ARHGEF28: variants seen among roughly 807,000 people sequenced by gnomAD.
ARHGEF28 encodes Rho guanine nucleotide exchange factor 28.
Under a neutral mutation model 206.6 loss-of-function variants are expected in ARHGEF28, and 152 were observed. The observed-to-expected ratio is 0.74, with a 90% confidence interval of 0.64 to 0.84. ARHGEF28 has a LOEUF of 0.84. Among genes scored for constraint, ARHGEF28 ranks in the 40% least tolerant of loss-of-function variants. ARHGEF28 has a pLI of 0.00. For synonymous variants in ARHGEF28, 763 were observed against 776.4 expected (o/e 0.98, Z 0.29); for missense variants, 2,028 against 2,073.2 (o/e 0.98, Z 0.42).
At chr5:73,807,450 A>C (rs1755578853) in intron 9 of ARHGEF28, among the ~76,000 whole-genome samples, 1 of 151,726 alleles carries the variant, frequency 6.6e-6, no homozygotes, top group Non-Finnish European at 1.5e-5. Flanking sequence ...ATCTGTAGCA[A>C]TATTAACCAA....
chr5:73,820,989 T>C (rs748672074), intron 9 of ARHGEF28, among the ~76,000 whole-genome samples: 21 of 152,134 alleles, frequency 1.4e-4, no homozygotes, highest in Non-Finnish European at 2.6e-4. Flanking sequence ...GAGTAGCCCA[T>C]AGCTTATTTC....
At chr5:73,853,878 T>TA (rs968447929) in intron 14 of ARHGEF28, among the ~76,000 whole-genome samples, 13 of 152,178 alleles carry the variant, frequency 8.5e-5, no homozygotes, top group Admixed American at 2.0e-4. Context: ...ATTAAAAATA[T>TA]AAAAAATATT....
At chr5:73,850,967 A>G (rs1171581527) in intron 13 of ARHGEF28, among the ~76,000 whole-genome samples, 1 of 152,176 alleles carries the variant, frequency 6.6e-6, no homozygotes, top group Non-Finnish European at 1.5e-5. Context: ...CAGTGGATAG[A>G]CTTATATGGC....
intron 17 of ARHGEF28, 68 bp downstream of exon 17, chr5:73,864,940 A>G: frequency 7.1e-7 from 1 of 1,417,620 alleles, no homozygotes; most frequent in Non-Finnish European, 9.8e-7. Context: ...TTGAGCTTTT[A>G]CTCTTTTTTA....
At chr5:73,750,667 A>T (rs1751974715) in intron 3 of ARHGEF28, among the ~76,000 whole-genome samples, 1 of 152,128 alleles carries the variant, frequency 6.6e-6, no homozygotes, top group South Asian at 2.1e-4. Context: ...TTTTATTGGT[A>T]TGTGGGTTGT....
chr5:73,930,076 A>G (rs1764021559), intron 35 of ARHGEF28, among the ~76,000 whole-genome samples: 1 of 152,228 alleles, frequency 6.6e-6, no homozygotes, highest in African/African-American at 2.4e-5. Flanking sequence ...AGAGCAGTAA[A>G]CATCTTTTTA....
intron 1 of ARHGEF28, among the ~76,000 whole-genome samples, chr5:73,660,823 C>A (rs1211701288): frequency 6.6e-6 from 1 of 152,098 alleles, no homozygotes; most frequent in Admixed American, 6.5e-5. Context: ...ATTCAGTAAA[C>A]CATGCTGTAG....
chr5:73,747,266 T>C (rs1037630716), intron 2 of ARHGEF28, among the ~76,000 whole-genome samples: 2 of 152,180 alleles, frequency 1.3e-5, no homozygotes, highest in Non-Finnish European at 2.9e-5. Context: ...CTGAAAGAGA[T>C]ACTTTGGAAT....
At chr5:73,695,426 T>C (rs1334031141) in intron 2 of ARHGEF28, among the ~76,000 whole-genome samples, 2 of 152,166 alleles carry the variant, frequency 1.3e-5, no homozygotes, top group African/African-American at 2.4e-5. Context: ...GACTCCCACA[T>C]GTGGGCCCTC....
At chr5:73,878,527 C>G (rs988801505) in intron 22 of ARHGEF28, among the ~76,000 whole-genome samples, 2 of 151,804 alleles carry the variant, frequency 1.3e-5, no homozygotes, top group Non-Finnish European at 2.9e-5. Flanking sequence ...TCTCGATGGT[C>G]TTTACATTTT....
chr5:73,631,629 C>T (rs887625596), intron 1 of ARHGEF28, among the ~76,000 whole-genome samples: 1 of 152,272 alleles, frequency 6.6e-6, no homozygotes, highest in Middle Eastern at 3.4e-3. Flanking sequence ...CTACATTGCA[C>T]AGTGCCTAGG....
At chr5:73,764,475 A>G (rs1478455840) in intron 4 of ARHGEF28, among the ~76,000 whole-genome samples, 1 of 152,244 alleles carries the variant, frequency 6.6e-6, no homozygotes, top group African/African-American at 2.4e-5. Context: ...TGCAAAATCC[A>G]GGAAGTACAT....
Position 73,814,425 on chromosome 5 carries a change from G to T in ARHGEF28, c.1025-17913G>T, listed in dbSNP as rs146324573. 2.0e-3 allele frequency among the ~76,000 whole-genome samples: 308 copies of T among 152,180 alleles called. 1 individual carries two copies. Among genetic ancestry groups the T allele is most frequent in the African/African-American group, 7.2e-3 (299 of 41,508 alleles). On this transcript the variant is annotated intron_variant, in intron 9 of 35. Transcript: ENST00000513042. Reference sequence around the variant, plus strand: ...GGCCATGGAAACAAGGAGCAAGCTGGTGTTAGGGTGTAGAGGAAGTGCCCT... The same window carrying T: ...GGCCATGGAAACAAGGAGCAAGCTGTTGTTAGGGTGTAGAGGAAGTGCCCT...
At chr5:73,638,781 C>A (rs746121249) in intron 1 of ARHGEF28, among the ~76,000 whole-genome samples, 8 of 152,146 alleles carry the variant, frequency 5.3e-5, no homozygotes, top group Non-Finnish European at 8.8e-5. Flanking sequence ...AAATACTAAT[C>A]GAATGAATCA....
At chr5:73,875,115 C>A (rs974128522) in intron 22 of ARHGEF28, among the ~76,000 whole-genome samples, 1 of 150,032 alleles carries the variant, frequency 6.7e-6, no homozygotes, top group South Asian at 2.1e-4. Context: ...GCCATTCTAA[C>A]TGGTGTGAGA....
Position 73,909,584 on chromosome 5 carries a change from ACCAG to A in ARHGEF28, c.4336_4339del (p.Gln1446SerfsTer61). 1 of 1,561,780 alleles carries A rather than the reference ACCAG, an allele frequency of 6.4e-7. No individual in the cohort carries two copies. The highest frequency in any genetic ancestry group is 8.7e-7 in the Non-Finnish European group (1 of 1,153,356). ...CTGGCCAATGTGCACCAGCTTCAGC[ACCAG>A]CTCCAGCAGGAGCAGCGGCGCTGGC... On this transcript the variant is annotated frameshift_variant, in exon 34 of 36. Coordinates refer to ENST00000513042, the MANE Select transcript of ARHGEF28 (RefSeq NM_001177693.2). LOFTEE classifies it high-confidence loss of function.
intron 4 of ARHGEF28, among the ~76,000 whole-genome samples, chr5:73,765,813 T>G (rs767688793): frequency 2.1e-4 from 32 of 152,316 alleles, no homozygotes; most frequent in Non-Finnish European, 3.8e-4. Context: ...AAACTTATTT[T>G]AATGAGTTGA....
chr5:73,904,677 A>G (rs1253518720), intron 33 of ARHGEF28: 1 of 443,446 alleles, frequency 2.3e-6, no homozygotes, highest in Non-Finnish European at 4.0e-6. Flanking sequence ...TGACATTTAC[A>G]ATGAAACTCT....
chr5:73,646,250 C>G (rs1744415476), intron 1 of ARHGEF28, among the ~76,000 whole-genome samples: 1 of 152,204 alleles, frequency 6.6e-6, no homozygotes, highest in Admixed American at 6.5e-5. Context: ...AACGCAGACC[C>G]TGATTATATA....
Sources: allele counts gnomAD v4.1 joint callset (sites outside exome capture counted in the v4.1 genomes callset), GRCh38; gene constraint gnomAD v4.1.1; transcripts MANE v1.5; gene names NCBI Gene and HGNC (gene_info 2026-07-23, HGNC 2026-07-21).